The following CTNNA2 variants were observed in gnomAD, a reference collection of about 807,000 sequenced individuals.
CTNNA2 encodes the protein catenin alpha 2, also known as catenin alpha-2.
CTNNA2 carries 42 observed loss-of-function variants against 101.0 expected under a neutral mutation model. The ratio of observed to expected loss-of-function variants is 0.42; its 90% CI spans 0.32 to 0.54. CTNNA2 has a LOEUF of 0.54. Ranked by LOEUF, CTNNA2 falls within the 20% of genes least tolerant of loss-of-function variation. CTNNA2 has a pLI of 0.14. For missense variants in CTNNA2, 871 were observed against 1,223.1 expected, an observed-to-expected ratio of 0.71 and a Z score of 4.29; for synonymous variants, 450 against 456.4, an observed-to-expected ratio of 0.99 and a Z score of 0.18.
intron 8 of CTNNA2, among the ~76,000 whole-genome samples, chr2:80,395,917 T>C (rs552607787): frequency 2.0e-5 from 3 of 152,308 alleles, no homozygotes; most frequent in South Asian, 4.1e-4. Context: ...GTGACATCCA[T>C]CATGTCCCGC....
intron 11 of CTNNA2, among the ~76,000 whole-genome samples, chr2:80,549,138 C>A (rs1290619556): frequency 6.6e-6 from 1 of 152,154 alleles, no homozygotes; most frequent in Non-Finnish European, 1.5e-5. Context: ...AGTGAAATGA[C>A]TGTGTGATAA....
chr2:80,448,726 C>T (rs1683258832), intron 9 of CTNNA2, among the ~76,000 whole-genome samples: 1 of 152,066 alleles, frequency 6.6e-6, no homozygotes, highest in Non-Finnish European at 1.5e-5. Context: ...GGGTTATGCT[C>T]TTAGTAGGCA....
chr2:79,234,747 T>C (rs1674535370), intron 2 of CTNNA2, among the ~76,000 whole-genome samples: 2 of 152,210 alleles, frequency 1.3e-5, no homozygotes, highest in African/African-American at 4.8e-5. Context: ...TTTTTCCTTA[T>C]ATTTGTATGA....
chr2:80,025,319 A>G (rs1457412533), intron 7 of CTNNA2, among the ~76,000 whole-genome samples: 1 of 152,216 alleles, frequency 6.6e-6, no homozygotes, highest in Non-Finnish European at 1.5e-5. Flanking sequence ...TCTTCTACCC[A>G]GCATTCCCCT....
At chr2:79,702,610 C>A (rs1250591706) in intron 2 of CTNNA2, among the ~76,000 whole-genome samples, 2 of 152,170 alleles carry the variant, frequency 1.3e-5, no homozygotes, top group Non-Finnish European at 1.5e-5. Context: ...CTTCATATTT[C>A]TTAGGTTGGC....
At chr2:80,060,206 A>G (rs1697485019) in intron 7 of CTNNA2, among the ~76,000 whole-genome samples, 1 of 152,150 alleles carries the variant, frequency 6.6e-6, no homozygotes, top group Non-Finnish European at 1.5e-5. Context: ...CTGAACTGCT[A>G]TACCTCTGCA....
chr2:79,772,848 A>G (rs1673691309), intron 3 of CTNNA2, among the ~76,000 whole-genome samples: 1 of 152,220 alleles, frequency 6.6e-6, no homozygotes, highest in African/African-American at 2.4e-5. Context: ...CCATTTTTAC[A>G]TACCTAATGA....
chr2:80,168,330 G>A (rs771477768), intron 7 of CTNNA2, among the ~76,000 whole-genome samples: 2 of 152,140 alleles, frequency 1.3e-5, no homozygotes, highest in Non-Finnish European at 2.9e-5. Context: ...GCATTGAGGT[G>A]CAGGGATGTG....
At chr2:80,404,312 A>C (rs1678852561) in intron 8 of CTNNA2, among the ~76,000 whole-genome samples, 1 of 151,496 alleles carries the variant, frequency 6.6e-6, no homozygotes, top group African/African-American at 2.4e-5. Flanking sequence ...TCTAGCTAGC[A>C]GTCGATTTTA....
At chr2:80,395,453 A>G (rs940604803) in intron 8 of CTNNA2, among the ~76,000 whole-genome samples, 2 of 152,226 alleles carry the variant, frequency 1.3e-5, no homozygotes, top group Non-Finnish European at 2.9e-5. Flanking sequence ...ATCCCTGCCC[A>G]TATGTTGAGA....
chr2:79,752,970 GT>G (rs1672144155), intron 3 of CTNNA2, among the ~76,000 whole-genome samples: 1 of 152,160 alleles, frequency 6.6e-6, no homozygotes, highest in Non-Finnish European at 1.5e-5. Flanking sequence ...TCCCAAAAAT[GT>G]TTTGTGGAAA....
At position 80,194,913 on chromosome 2, in the gene CTNNA2, C is replaced by T. The variant is rs569647833; in HGVS notation, c.1057-198298C>T. ...TTAGATTCCTGCTTTGAAGAACAAG[C>T]GATATTCAGAATTCAAATTCAAACA... On this transcript the variant is annotated intron_variant, in intron 7 of 18. Transcript: ENST00000402739. 4.6e-5 allele frequency among the ~76,000 whole-genome samples: 7 copies of T among 151,626 alleles called. No homozygotes were observed. In the East Asian group the frequency reaches 9.7e-4, roughly 21 times the overall value.
chr2:79,835,666 GTTTTTTTTTTTTTTTTTTTTT>G (rs70940048), intron 3 of CTNNA2, among the ~76,000 whole-genome samples: 45 of 58,616 alleles, frequency 7.7e-4, no homozygotes, highest in Non-Finnish European at 1.1e-3. Flanking sequence ...GCCTCTCTTT[GTTTTTTTTTTTTTTTTTTTTT>G]TTTTTTTTTT....
chr2:80,239,436 G>A (rs571406562), intron 7 of CTNNA2, among the ~76,000 whole-genome samples: 7 of 152,254 alleles, frequency 4.6e-5, no homozygotes, highest in Non-Finnish European at 8.8e-5. Context: ...TATTTGTTAA[G>A]TTGAAGCAAA....
intron 8 of CTNNA2, among the ~76,000 whole-genome samples, chr2:80,417,882 G>C (rs1206699258): frequency 2.0e-5 from 3 of 152,076 alleles, no homozygotes; most frequent in African/African-American, 7.2e-5. Flanking sequence ...TTATCTTCCT[G>C]AAGGCTTAGA....
At chr2:80,310,317 TA>T (rs1359109380) in intron 7 of CTNNA2, among the ~76,000 whole-genome samples, 5 of 152,332 alleles carry the variant, frequency 3.3e-5, no homozygotes, top group African/African-American at 1.2e-4. Flanking sequence ...GCAGGGCTCT[TA>T]AAGTTTGATT....
In CTNNA2 at chr2:79,956,843, G is replaced by GTTTTTTTTTTTTTTTTTT. The variant is rs66471325; in HGVS notation, c.1056+47054_1056+47071dup. 5.5e-4 allele frequency among the ~76,000 whole-genome samples: 54 copies of GTTTTTTTTTTTTTTTTTT among 98,902 alleles called. 6 individuals are homozygous for GTTTTTTTTTTTTTTTTTT. The highest frequency in any genetic ancestry group is 2.4e-3 in the African/African-American group (51 of 21,346). The allele number at this position is 98,902 out of a possible 152,430, so 64.9% of individuals were successfully genotyped here. A position where few individuals can be genotyped will look rare whatever the true frequency, so the allele number is the denominator to read the frequency against. On this transcript the variant is annotated intron_variant, in intron 7 of 18. Transcript: ENST00000402739. ...TTTCATTTACTATGAATACGTGTGG[G>GTTTTTTTTTTTTTTTTTT]TTTTTTTTTTTTTTTTTTTTTTTTT...
chr2:79,375,007 C>A (rs892778544), intron 4 of CTNNA2, among the ~76,000 whole-genome samples: 1 of 152,150 alleles, frequency 6.6e-6, no homozygotes, highest in Middle Eastern at 3.4e-3. Flanking sequence ...AATGAAGTGA[C>A]GATTTTCAGC....
chr2:79,431,570 G>C (rs148258955), intron 4 of CTNNA2, among the ~76,000 whole-genome samples: 268 of 152,292 alleles, frequency 1.8e-3, no homozygotes, highest in African/African-American at 5.9e-3. Context: ...GACCAAATAA[G>C]TTAGGTAGTC....
Sources: allele counts gnomAD v4.1 joint callset (sites outside exome capture counted in the v4.1 genomes callset), GRCh38; gene constraint gnomAD v4.1.1; transcripts MANE v1.5; gene names NCBI Gene and HGNC (gene_info 2026-07-23, HGNC 2026-07-21).